Variants in LINC00305 observed in about 807,000 individuals in gnomAD.
The protein encoded by LINC00305 is long independently transcribed non-coding RNA 305.
intron 1 of LINC00305, among the ~76,000 whole-genome samples, chr18:64,103,443 G>C (rs2051275911): frequency 6.6e-6 from 1 of 152,084 alleles, no homozygotes; most frequent in Non-Finnish European, 1.5e-5. Flanking sequence ...TCCTTTTGCG[G>C]CACTTCTCGT....
intron 1 of LINC00305, among the ~76,000 whole-genome samples, chr18:64,114,773 T>A (rs929954860): frequency 2.0e-5 from 3 of 152,244 alleles, no homozygotes; most frequent in Non-Finnish European, 4.4e-5. Flanking sequence ...GGTCTCGAAC[T>A]CCTGACCTCA....
chr18:64,113,230 C>A (rs1189512387), intron 1 of LINC00305, among the ~76,000 whole-genome samples: 1 of 152,182 alleles, frequency 6.6e-6, no homozygotes, highest in Non-Finnish European at 1.5e-5. Flanking sequence ...CCACTTACTG[C>A]CTTAGCAATT....
intron 3 of LINC00305, among the ~76,000 whole-genome samples, chr18:64,084,037 G>A (rs191429095): frequency 2.4e-4 from 37 of 152,284 alleles, no homozygotes; most frequent in Non-Finnish European, 5.0e-4. Flanking sequence ...TGGTTTGCAT[G>A]CAGGCTGTTA....
chr18:64,127,494 G>A (rs943162099), intron 1 of LINC00305: 1 of 152,120 alleles, frequency 6.6e-6, no homozygotes, highest in African/African-American at 2.4e-5. Flanking sequence ...CCTTGCCAAT[G>A]CCCATGTCTC....
intron 2 of LINC00305, chr18:64,098,449 GAAGT>G: frequency 2.7e-6 from 1 of 377,358 alleles, no homozygotes. Flanking sequence ...TAGAAAATTT[GAAGT>G]GAGTTCATGT....
chr18:64,131,262 T>A (rs922209), intron 1 of LINC00305, among the ~76,000 whole-genome samples: 36,984 of 152,230 alleles, frequency 0.24, 4,706 homozygotes, highest in Non-Finnish European at 0.28. Flanking sequence ...CATTTATTTT[T>A]AAAATGCGGT....
chr18:64,099,669 G>C (rs1215090936), intron 1 of LINC00305, among the ~76,000 whole-genome samples: 1 of 152,192 alleles, frequency 6.6e-6, no homozygotes, highest in Non-Finnish European at 1.5e-5. Context: ...TCGGAACTGA[G>C]TGCAAACAGT....
chr18:64,139,589 A>C, intron 1 of LINC00305: 1 of 152,244 alleles, frequency 6.6e-6, no homozygotes, highest in East Asian at 1.9e-4. Context: ...AACAATGTAC[A>C]TGTGTGTGTA....
intron 1 of LINC00305, among the ~76,000 whole-genome samples, chr18:64,116,633 A>C (rs533334047): frequency 6.6e-6 from 1 of 152,170 alleles, no homozygotes; most frequent in African/African-American, 2.4e-5. Flanking sequence ...TTTATAGTGT[A>C]CTATGTGATG....
intron 1 of LINC00305, among the ~76,000 whole-genome samples, chr18:64,114,654 T>C (rs1038859876): frequency 6.6e-6 from 1 of 152,204 alleles, no homozygotes; most frequent in Non-Finnish European, 1.5e-5. Context: ...GTTCAAGTGA[T>C]TCTCCTGCCT....
At chr18:64,082,651 T>C (rs978351335) in intron 3 of LINC00305, among the ~76,000 whole-genome samples, 6 of 152,182 alleles carry the variant, frequency 3.9e-5, no homozygotes, top group Non-Finnish European at 5.9e-5. Flanking sequence ...TCTGTATCTA[T>C]CCTCAGCCTA....
rs897730841 is a variant in LINC00305 at position 64,093,322 on chromosome 18, C to T, written n.540+4512G>A. On this transcript the variant is annotated intron_variant and non_coding_transcript_variant, in intron 3 of 3. Transcript: ENST00000666468. Reference sequence around the variant, plus strand: ...GTTAGCAGTTGTAGGCTAATCCTAACCTATTTTTATTTTTATTTTATTTAT... The same window carrying T: ...GTTAGCAGTTGTAGGCTAATCCTAATCTATTTTTATTTTTATTTTATTTAT... Among the ~76,000 whole-genome samples the T allele has an allele frequency of 2.6e-5, 4 of 152,036 alleles. No homozygotes were observed. The East Asian group carries it at 7.7e-4, about 29-fold the overall frequency.
At chr18:64,120,279 CT>C (rs1433242817) in intron 1 of LINC00305, among the ~76,000 whole-genome samples, 1 of 151,908 alleles carries the variant, frequency 6.6e-6, no homozygotes, top group East Asian at 1.9e-4. Context: ...GATGGCTCTT[CT>C]TTTTTTGTTA....
intron 1 of LINC00305, among the ~76,000 whole-genome samples, chr18:64,124,111 G>A (rs2051374301): frequency 6.6e-6 from 1 of 152,098 alleles, no homozygotes; most frequent in Non-Finnish European, 1.5e-5. Context: ...GCAACTCTAA[G>A]AACTACCTCT....
intron 1 of LINC00305, among the ~76,000 whole-genome samples, chr18:64,121,677 C>T (rs2051362737): frequency 6.6e-6 from 1 of 151,992 alleles, no homozygotes; most frequent in Non-Finnish European, 1.5e-5. Context: ...TTTTTTGATA[C>T]AATGATTTCT....
At chr18:64,080,744 G>T (rs913724901) in intron 3 of LINC00305, among the ~76,000 whole-genome samples, 2 of 152,020 alleles carry the variant, frequency 1.3e-5, no homozygotes, top group Non-Finnish European at 2.9e-5. Flanking sequence ...ACAATATGTA[G>T]TGCAAAATTA....
intron 1 of LINC00305, among the ~76,000 whole-genome samples, chr18:64,111,682 C>A (rs1026777344): frequency 2.0e-5 from 3 of 152,102 alleles, no homozygotes; most frequent in African/African-American, 7.2e-5. Flanking sequence ...GGGAGTAGAA[C>A]CAGGTGGTGG....
At chr18:64,100,161 G>A (rs1477111174) in intron 1 of LINC00305, among the ~76,000 whole-genome samples, 3 of 151,706 alleles carry the variant, frequency 2.0e-5, no homozygotes, top group African/African-American at 7.3e-5. Flanking sequence ...TTTTCTTCAG[G>A]GGAGATGGTT....
At chr18:64,120,986 T>A (rs1338561107) in intron 1 of LINC00305, among the ~76,000 whole-genome samples, 1 of 152,124 alleles carries the variant, frequency 6.6e-6, no homozygotes, top group Non-Finnish European at 1.5e-5. Context: ...AAAAATTTGG[T>A]AAACTTTAAA....
Sources: allele counts gnomAD v4.1 joint callset (sites outside exome capture counted in the v4.1 genomes callset), GRCh38; gene constraint gnomAD v4.1.1; transcripts MANE v1.5; gene names NCBI Gene and HGNC (gene_info 2026-07-23, HGNC 2026-07-21).